Variants in PPP2R2D observed in about 807,000 individuals in gnomAD.
PPP2R2D encodes protein phosphatase 2 regulatory subunit Bdelta.
Under a neutral mutation model 31.1 loss-of-function variants are expected in PPP2R2D, and 9 were observed. That is an observed-to-expected ratio of 0.29 (90% CI 0.17 to 0.51). PPP2R2D has a LOEUF of 0.51. Ranked by LOEUF, PPP2R2D falls within the 20% of genes least tolerant of loss-of-function variation. The pLI, the probability that PPP2R2D is intolerant of heterozygous loss-of-function variation, is 0.98. For synonymous variants in PPP2R2D, 179 were observed against 172.6 expected (o/e 1.04, Z -0.29); for missense variants, 391 against 465.6 (o/e 0.84, Z 1.48).
chr10:131,901,557 C>T (rs913531326), intron 2 of PPP2R2D, among the ~76,000 whole-genome samples: 7 of 152,274 alleles, frequency 4.6e-5, no homozygotes, highest in Admixed American at 2.6e-4. Context: ...CGCGGCGGGA[C>T]TTATGTAAGT....
chr10:131,937,930 G>A (rs1457190173), intron 3 of PPP2R2D, among the ~76,000 whole-genome samples: 1 of 151,930 alleles, frequency 6.6e-6, no homozygotes, highest in African/African-American at 2.4e-5. Context: ...GCAGCAAGGC[G>A]CTCAGCTCCT....
intron 3 of PPP2R2D, 110 bp downstream of exon 3, chr10:131,934,665 A>C: frequency 2.9e-6 from 2 of 696,020 alleles, no homozygotes; most frequent in Admixed American, 4.1e-5. Context: ...ATTAAGATTC[A>C]GTTCCATCAC....
In PPP2R2D at chr10:131,956,487, G is replaced by A. The variant is rs1033256597; in HGVS notation, c.*524G>A. On this transcript the variant is annotated 3_prime_UTR_variant, in exon 9 of 9. Coordinates refer to ENST00000455566, the MANE Select transcript of PPP2R2D (RefSeq NM_018461.5). ...GCCCCACTCACCCACAGCATCCGCCGCCACCCCTTCGGGTGTGAGCGCTCA... is the reference window on the plus strand; with the variant it reads ...GCCCCACTCACCCACAGCATCCGCCACCACCCCTTCGGGTGTGAGCGCTCA... 1.0e-4 allele frequency: 99 copies of A among 985,384 alleles called. No individual in the cohort carries two copies. Among genetic ancestry groups the A allele is most frequent in the Middle Eastern group, 5.2e-4 (1 of 1,936 alleles). The allele number at this position is 985,384 out of a possible 1,614,324, so 61.0% of individuals were successfully genotyped here.
In PPP2R2D at chr10:131,947,540, G is replaced by A; in HGVS notation, c.831G>A (p.Glu277=). 6.2e-7 allele frequency: 1 copy of A among 1,613,386 alleles called. No homozygotes were observed. The highest frequency in any genetic ancestry group is 1.1e-5 in the South Asian group (1 of 91,060). ...LCDRHSKFFE[E]PEDPSSRSFF... ...TATTTTGTTTTTCAGTTTTTGAAGA[G>A]CCTGAAGATCCCAGCAGTAGGTCCT... Residue 277 remains glutamate (E), a synonymous_variant, in exon 8 of 9, where the codon GAG becomes GAA. Coordinates refer to ENST00000455566, the MANE Select transcript of PPP2R2D (RefSeq NM_018461.5). This position sits in a 1 kb window ranked among gnomAD's most constrained non-coding sequence, Gnocchi z 4.3.
intron 2 of PPP2R2D, among the ~76,000 whole-genome samples, chr10:131,906,763 A>C (rs1193451784): frequency 6.6e-6 from 1 of 150,690 alleles, no homozygotes; most frequent in Non-Finnish European, 1.5e-5. Context: ...TCTACCAAAA[A>C]AAAAAAAAAA....
In PPP2R2D at chr10:131,957,876, GTC is replaced by G. The variant is rs2036838619; in HGVS notation, c.*1914_*1915del. 8.2e-6 allele frequency: 1 copy of G among 121,852 alleles called. No homozygotes were observed. Among genetic ancestry groups the G allele is most frequent in the Admixed American group, 1.0e-4 (1 of 9,912 alleles). The allele number at this position is 121,852 out of a possible 1,614,324, so 7.5% of individuals were successfully genotyped here. A position where few individuals can be genotyped will look rare whatever the true frequency, so the allele number is the denominator to read the frequency against. ...AGATGAAGGGGTGTGTTGATCCCCT[GTC>G]CCCCTGTGGAGATGGTGTGTGCTGA... is the stretch of plus-strand genomic sequence containing the variant. On this transcript the variant is annotated 3_prime_UTR_variant, in exon 9 of 9. Coordinates refer to ENST00000455566, the MANE Select transcript of PPP2R2D (RefSeq NM_018461.5).
the PPP2R2D span, among the ~76,000 whole-genome samples, chr10:131,966,061 C>T: frequency 5.9e-5 from 9 of 152,198 alleles, no homozygotes; most frequent in Non-Finnish European, 1.3e-4. Flanking sequence ...GTTTCTAGGT[C>T]TGTCTCCAGA....
Position 131,956,424 on chromosome 10 carries a change from CTGTGGATG to C in PPP2R2D, c.*472_*479del, listed in dbSNP as rs1251691537. On this transcript the variant is annotated 3_prime_UTR_variant, in exon 9 of 9. Coordinates refer to ENST00000455566, the MANE Select transcript of PPP2R2D (RefSeq NM_018461.5). ...GCCTTCCTCCGAGTCCAGGTGGACT[CTGTGGATG>C]TGTGGATGTGGCCCGAGCAGGCTCA... 16 of 985,732 alleles carry C rather than the reference CTGTGGATG, an allele frequency of 1.6e-5. No homozygotes were observed. Among genetic ancestry groups the C allele is most frequent in the Admixed American group, 1.2e-4 (2 of 16,270 alleles). 61.1% of individuals were successfully genotyped at this position (985,732 alleles called of 1,614,324 possible). A position where few individuals can be genotyped will look rare whatever the true frequency, so the allele number is the denominator to read the frequency against.
In PPP2R2D at chr10:131,943,209, C is replaced by T. The variant is rs535882558; in HGVS notation, c.478-759C>T. Among the ~76,000 whole-genome samples, 7 of 152,292 alleles carry T rather than the reference C, an allele frequency of 4.6e-5. No individual in the cohort carries two copies. In the East Asian group the frequency reaches 7.7e-4, roughly 17 times the overall value. ...CTGACCATAGGCGGCCTGCAGCCAG[C>T]GCCCACTCCTCTCTGTCCTTTCTAT... On this transcript the variant is annotated intron_variant, in intron 5 of 8. Coordinates refer to ENST00000455566, the MANE Select transcript of PPP2R2D (RefSeq NM_018461.5).
At chr10:131,971,378 T>C in the PPP2R2D span, 1 of 233,410 alleles carries the variant, frequency 4.3e-6, no homozygotes, top group African/African-American at 2.3e-5. Flanking sequence ...AACAGGGACA[T>C]GACGAAGGAA....
At chr10:131,906,283 T>C (rs1320360442) in intron 2 of PPP2R2D, among the ~76,000 whole-genome samples, 3 of 152,236 alleles carry the variant, frequency 2.0e-5, no homozygotes, top group Non-Finnish European at 4.4e-5. Context: ...TATAGCTTGA[T>C]AACAGCTGGT....
intron 2 of PPP2R2D, among the ~76,000 whole-genome samples, chr10:131,905,850 C>T (rs924951065): frequency 2.6e-5 from 4 of 152,196 alleles, no homozygotes; most frequent in Non-Finnish European, 4.4e-5. Context: ...CTGTGGCATG[C>T]GGCCGTCCAG....
intron 2 of PPP2R2D, among the ~76,000 whole-genome samples, chr10:131,909,205 T>C (rs1424661349): frequency 6.6e-6 from 1 of 152,192 alleles, no homozygotes; most frequent in Non-Finnish European, 1.5e-5. Context: ...CATGGTCCTC[T>C]GGCAGAAAAG....
At chr10:131,911,151 C>G (rs1015106906) in intron 2 of PPP2R2D, among the ~76,000 whole-genome samples, 3 of 152,182 alleles carry the variant, frequency 2.0e-5, no homozygotes, top group Non-Finnish European at 4.4e-5. Context: ...CGTTGGCTCT[C>G]GAAGTGGGGG....
At chr10:131,917,175 A>G (rs2035816791) in intron 2 of PPP2R2D, among the ~76,000 whole-genome samples, 2 of 101,908 alleles carry the variant, frequency 2.0e-5, no homozygotes, top group African/African-American at 3.8e-5. Flanking sequence ...GTGGAATGAC[A>G]CAGCGTTTGT....
chr10:131,917,450 T>G (rs1183240807), intron 2 of PPP2R2D, among the ~76,000 whole-genome samples: 5 of 93,890 alleles, frequency 5.3e-5, no homozygotes, highest in Admixed American at 1.3e-4. Flanking sequence ...ATGACAGTGT[T>G]TGTAGGGACC....
chr10:131,965,915 C>A, the PPP2R2D span, among the ~76,000 whole-genome samples: 3 of 152,212 alleles, frequency 2.0e-5, no homozygotes, highest in Non-Finnish European at 2.9e-5. Flanking sequence ...GGCAAAGCAC[C>A]GGCCCTGCAG....
the PPP2R2D span, chr10:131,971,355 G>A: frequency 5.6e-5 from 14 of 249,036 alleles, no homozygotes; most frequent in South Asian, 4.8e-4. Context: ...GAAAACAGCC[G>A]AAAACGGCTC....
downstream of PPP2R2D, among the ~76,000 whole-genome samples, chr10:131,960,632 C>T (rs1371418714): frequency 6.6e-6 from 1 of 152,204 alleles, no homozygotes; most frequent in Non-Finnish European, 1.5e-5. Context: ...GTCCTGCTCC[C>T]GGCCGGAAGA....
Sources: gnomAD v4.1 joint callset for allele counts (sites outside exome capture counted in the v4.1 genomes callset) on GRCh38, gnomAD v4.1.1 for gene constraint, Gnocchi (gnomAD v3.1) non-coding constraint, MANE v1.5 for transcripts, NCBI Gene and HGNC (gene_info 2026-07-23, HGNC 2026-07-21) for gene names.